The following CIP2A variants were observed in gnomAD, a reference collection of about 807,000 sequenced individuals.
CIP2A encodes the protein cellular inhibitor of PP2A, also known as protein CIP2A.
In CIP2A, 103 loss-of-function variants were observed where a neutral mutation model predicts 110.9. The observed-to-expected ratio is 0.93, with a 90% CI of 0.79 to 1.09. The LOEUF is 1.09. Ranked by LOEUF, CIP2A falls within the 50% of genes least tolerant of loss-of-function variation. The pLI, the probability that CIP2A is intolerant of heterozygous loss-of-function variation, is 0.00. For synonymous variants in CIP2A, 381 were observed against 361.6 expected, an observed-to-expected ratio of 1.05 and a Z score of -0.61; for missense variants, 1,088 against 1,038.4, an observed-to-expected ratio of 1.05 and a Z score of -0.66.
intron 9 of CIP2A, 124 bp downstream of exon 9, chr3:108,569,265 G>C: frequency 1.4e-6 from 1 of 703,834 alleles, no homozygotes; most frequent in Non-Finnish European, 2.4e-6. Context: ...TAGTATGACT[G>C]TTAGTAATTG....
chr3:108,582,008 T>A, intron 4 of CIP2A, 100 bp downstream of exon 4: 1 of 564,464 alleles, frequency 1.8e-6, no homozygotes, highest in Non-Finnish European at 3.2e-6. Context: ...TCAGTTTATA[T>A]GTTAGAAAAT....
At chr3:108,576,959 G>C (rs1938675374) in intron 7 of CIP2A, among the ~76,000 whole-genome samples, 1 of 152,138 alleles carries the variant, frequency 6.6e-6, no homozygotes, top group African/African-American at 2.4e-5. Flanking sequence ...TGCTATAATG[G>C]AGGAATGTAG....
chr3:108,555,904 T>C (rs113160455), intron 17 of CIP2A, among the ~76,000 whole-genome samples: 4 of 152,280 alleles, frequency 2.6e-5, no homozygotes, highest in African/African-American at 9.6e-5. Context: ...GGGAGGTCAG[T>C]ATTTGAGCAT....
chr3:108,550,568 C>T lies in CIP2A; in HGVS notation c.*581G>A, dbSNP rs2083884438. The T allele has an allele frequency of 6.6e-6, 1 of 151,314 alleles. No individual in the cohort carries two copies. The highest frequency in any genetic ancestry group is 2.1e-4 in the South Asian group (1 of 4,790). The allele number at this position is 151,314 out of a possible 1,614,324, so 9.4% of individuals were successfully genotyped here. On this transcript the variant is annotated 3_prime_UTR_variant, in exon 21 of 21. Transcript: ENST00000295746. Reference sequence around the variant, plus strand: ...CAATGACAGTTTTCTAATTTTTATACATTTTATTACCATTGCATTTTTTTC... The same window carrying T: ...CAATGACAGTTTTCTAATTTTTATATATTTTATTACCATTGCATTTTTTTC...
chr3:108,551,316 A>G lies in CIP2A; in HGVS notation c.2551T>C (p.Ser851Pro). The G allele has an allele frequency of 6.2e-7, 1 of 1,603,696 alleles. No individual in the cohort carries two copies. Among genetic ancestry groups the G allele is most frequent in the Non-Finnish European group, 8.5e-7 (1 of 1,174,396 alleles). Residue 851 changes from serine (S) to proline (P), a missense_variant, in exon 21 of 21, where the codon TCC becomes CCC. Ser to Pro is a moderately conservative substitution (Grantham distance 74). Transcript: ENST00000295746. ...QIRKELSIKA[S>P]SLEVQKAQLE... ...TGTGCCTTTTGAACCTCTAGGGAGG[A>G]AGCCTAAGGAATTGGGGTTGGGGGA...
chr3:108,566,554 A>C lies in CIP2A; in HGVS notation c.1358T>G (p.Phe453Cys), dbSNP rs1447396226. The part of the protein sequence containing the change: ...VKCTTLIEQQ[F>C]TYGKIDLGFG... ...TCCCAGGTCAATCTTGCCATATGTA[A>C]ATTGTTGTTCTATAAGAGTGGTACA... The change falls in exon 11 of 21, where the codon TTT becomes TGT. Residue 453 changes from phenylalanine to cysteine, a missense_variant. By Grantham distance (205) the Phe-to-Cys change is radical. Transcript: ENST00000295746. The C allele has an allele frequency of 9.3e-6, 15 of 1,608,028 alleles. No individual in the cohort carries two copies. Among genetic ancestry groups the C allele is most frequent in the Non-Finnish European group, 1.3e-5 (15 of 1,176,926 alleles).
intron 1 of CIP2A, among the ~76,000 whole-genome samples, chr3:108,588,509 T>G (rs1186939445): frequency 6.6e-6 from 1 of 152,126 alleles, no homozygotes; most frequent in Non-Finnish European, 1.5e-5. Flanking sequence ...ATACAATATA[T>G]TTTAAAATTA....
chr3:108,589,319 GGCT>G lies in CIP2A; in HGVS notation c.54_56del (p.Lys18_Ala19delinsAsn). On this transcript the variant is annotated inframe_deletion, in exon 1 of 21. Transcript: ENST00000295746. ...GAGTGGCGTTCGCCTCTGACTTCAC[GGCT>G]TTGTACTGACTGACAGTCAGGAGCA... 1 of 1,614,058 alleles carries G rather than the reference GGCT, an allele frequency of 6.2e-7. No homozygotes were observed. The highest frequency in any genetic ancestry group is 8.5e-7 in the Non-Finnish European group (1 of 1,179,978).
chr3:108,564,922 A>G (rs1231380252), intron 12 of CIP2A, among the ~76,000 whole-genome samples: 1 of 151,770 alleles, frequency 6.6e-6, no homozygotes, highest in Non-Finnish European at 1.5e-5. Flanking sequence ...TGAGTTAGCT[A>G]TTTTCTGCAC....
rs1021989627 is a variant in CIP2A, at chr3:108,554,581, T to C, written c.2211-92A>G. On this transcript the variant is annotated intron_variant, in intron 17 of 20. Transcript: ENST00000295746. ...ACAGTGTTTTCTTTACTATCTCTTC[T>C]AACCAAATTGCATATGCTGGAAGAG... The C allele has an allele frequency of 6.6e-6, 4 of 607,428 alleles. No homozygotes were observed. The African/African-American group carries it at 7.6e-5, about 12-fold the overall frequency. 37.6% of individuals were successfully genotyped at this position (607,428 alleles called of 1,614,324 possible).
Position 108,552,271 on chromosome 3 carries a change from C to G in CIP2A, c.2510G>C (p.Ser837Thr). The G allele has an allele frequency of 6.3e-7, 1 of 1,580,240 alleles. No homozygotes were observed. Among genetic ancestry groups the G allele is most frequent in the South Asian group, 1.2e-5 (1 of 85,696 alleles). Residue 837 changes from serine to threonine, a missense_variant, in exon 20 of 21, where the codon AGC (serine) becomes ACC (threonine). By Grantham distance (58) the Ser-to-Thr change is moderately conservative. Transcript: ENST00000295746. ...ETIDILRKEL[S>T]RTEQIRKELS... ...CTCTTTTCTTATCTGTTCTGTTCTG[C>G]TTAATTCTTTTCTAAGGATATCAAT...
rs113487045 is a variant in CIP2A at position 108,576,258 on chromosome 3, T to C, written c.894+13A>G. The C allele has an allele frequency of 3.3e-6, 5 of 1,495,564 alleles. No homozygotes were observed. Among genetic ancestry groups the C allele is most frequent in the African/African-American group, 2.9e-5 (2 of 69,472 alleles). The allele number at this position is 1,495,564 out of a possible 1,614,324, so 92.6% of individuals were successfully genotyped here. A position where few individuals can be genotyped will look rare whatever the true frequency, so the allele number is the denominator to read the frequency against. On this transcript the variant is annotated intron_variant, in intron 8 of 20. Coordinates refer to ENST00000295746, the MANE Select transcript of CIP2A (RefSeq NM_020890.3). ...TTTTAAAAGTTTAAATGAAAAGTCATGTTTTTACATACCTTTGAAGAGGAA... is the reference window on the plus strand; with the variant it reads ...TTTTAAAAGTTTAAATGAAAAGTCACGTTTTTACATACCTTTGAAGAGGAA...
At chr3:108,569,713 C>T in intron 8 of CIP2A, 106 bp from the exon 9 acceptor site, 1 of 852,376 alleles carries the variant, frequency 1.2e-6, no homozygotes, top group Non-Finnish European at 1.8e-6. Flanking sequence ...AGAAAATATT[C>T]TAAAACAAAA....
At chr3:108,582,609 CTCTA>C (rs1474797820) in intron 3 of CIP2A, among the ~76,000 whole-genome samples, 1 of 152,142 alleles carries the variant, frequency 6.6e-6, no homozygotes, top group Non-Finnish European at 1.5e-5. Flanking sequence ...ATTAAATAGA[CTCTA>C]TCTACAGCTT....
intron 8 of CIP2A, among the ~76,000 whole-genome samples, chr3:108,575,341 C>A (rs1377061028): frequency 6.7e-6 from 1 of 148,314 alleles, no homozygotes; most frequent in Non-Finnish European, 1.5e-5. Flanking sequence ...TGTATATATA[C>A]ATATACACAC....
intron 16 of CIP2A, among the ~76,000 whole-genome samples, chr3:108,558,092 C>G (rs1937874135): frequency 6.6e-6 from 1 of 151,980 alleles, no homozygotes; most frequent in Non-Finnish European, 1.5e-5. Context: ...AAATATTAAA[C>G]TCTCTAATAA....
intron 12 of CIP2A, 118 bp from the exon 13 acceptor site, chr3:108,563,362 T>C: frequency 1.4e-6 from 1 of 691,892 alleles, no homozygotes; most frequent in East Asian, 2.5e-5. Context: ...CTAAAATGTT[T>C]CTAATGTTTG....
Position 108,553,894 on chromosome 3 carries a change from T to TACAAAAAAAAAAAAAAAAAA in CIP2A, c.2325-165_2325-164insTTTTTTTTTTTTTTTTTTGT, listed in dbSNP as rs1303036231. Among the ~76,000 whole-genome samples the TACAAAAAAAAAAAAAAAAAA allele has an allele frequency of 4.1e-3, 202 of 49,724 alleles. 92 individuals are homozygous for TACAAAAAAAAAAAAAAAAAA. Among genetic ancestry groups the TACAAAAAAAAAAAAAAAAAA allele is most frequent in the Non-Finnish European group, 5.4e-3 (136 of 25,122 alleles). The allele number at this position is 49,724 out of a possible 152,430, so 32.6% of individuals were successfully genotyped here. On this transcript the variant is annotated intron_variant, in intron 18 of 20. Transcript: ENST00000295746. ...GGTGAAACCCCGTCTCTACTAAAAA[T>TACAAAAAAAAAAAAAAAAAA]ATAAAAAAAAAAAAAAAAAAAAAAA...
intron 1 of CIP2A, among the ~76,000 whole-genome samples, chr3:108,588,760 T>C (rs2107383302): frequency 6.6e-6 from 1 of 152,256 alleles, no homozygotes; most frequent in East Asian, 1.9e-4. Context: ...TGTATTTTGG[T>C]AAAGAAAAAG....
Sources: allele counts gnomAD v4.1 joint callset (sites outside exome capture counted in the v4.1 genomes callset), GRCh38; gene constraint gnomAD v4.1.1; transcripts MANE v1.5; gene names NCBI Gene and HGNC (gene_info 2026-07-23, HGNC 2026-07-21).